Variants in HHIPL1 observed in about 807,000 individuals in gnomAD.
HHIPL1 encodes HHIP-like protein 1.
In HHIPL1, 43 loss-of-function variants were observed where a neutral mutation model predicts 61.8. The observed-to-expected ratio is 0.70, with a 90% confidence interval of 0.55 to 0.90. The LOEUF (loss-of-function observed/expected upper bound fraction) is 0.90, where lower values mean the gene tolerates loss of function less well. HHIPL1 is among the 40% of genes least tolerant of loss of function. The pLI is 0.00. For missense variants in HHIPL1, 1,056 were observed against 1,157.7 expected (o/e 0.91, Z 1.28); for synonymous variants, 482 against 515.8 (o/e 0.93, Z 0.89).
Position 99,675,491 on chromosome 14 carries a change from TCTG to T in HHIPL1, c.2218_2220del (p.Leu740del), listed in dbSNP as rs1449019211. The T allele has an allele frequency of 8.4e-6, 13 of 1,542,706 alleles. No homozygotes were observed. In the East Asian group the frequency reaches 3.2e-4, roughly 38 times the overall value. ...TCGGCCAGGGCGGCTCGCTGCCCATTCTGCTGGACGATGTGCGCTGCGCGGGCT... is the reference window on the plus strand; with the variant it reads ...TCGGCCAGGGCGGCTCGCTGCCCATTCTGGACGATGTGCGCTGCGCGGGCT... On this transcript the variant is annotated inframe_deletion, in exon 9 of 9. Transcript: ENST00000330710. This position sits in a 1 kb window ranked among gnomAD's most constrained non-coding sequence, Gnocchi z 5.4.
chr14:99,634,624 C>T, the HHIPL1 span, among the ~76,000 whole-genome samples: 10 of 152,276 alleles, frequency 6.6e-5, 1 homozygote, highest in East Asian at 1.9e-3. Context: ...TGTTTGAAAT[C>T]GGCATCTCCC....
chr14:99,632,256 T>C, the HHIPL1 span, among the ~76,000 whole-genome samples: 2 of 152,116 alleles, frequency 1.3e-5, no homozygotes, highest in East Asian at 3.9e-4. Flanking sequence ...TTAAACATTA[T>C]CCAGGCCCTA....
At chr14:99,674,889 C>T (rs1237596750) in intron 8 of HHIPL1, among the ~76,000 whole-genome samples, 1 of 152,180 alleles carries the variant, frequency 6.6e-6, no homozygotes. Flanking sequence ...AGGCCGGCAT[C>T]TTGCTGGGTC....
At chr14:99,628,006 G>A in the HHIPL1 span, among the ~76,000 whole-genome samples, 2 of 152,180 alleles carry the variant, frequency 1.3e-5, no homozygotes, top group Non-Finnish European at 2.9e-5. Flanking sequence ...GAAGATGCAT[G>A]ATCAGTTTGG....
the HHIPL1 span, among the ~76,000 whole-genome samples, chr14:99,614,844 C>T: frequency 6.6e-6 from 1 of 151,896 alleles, no homozygotes; most frequent in Non-Finnish European, 1.5e-5. Flanking sequence ...TTTTTTGTCC[C>T]GTATCTAATG....
the HHIPL1 span, among the ~76,000 whole-genome samples, chr14:99,606,278 T>C: frequency 1.3e-5 from 2 of 152,126 alleles, no homozygotes; most frequent in South Asian, 4.1e-4. Flanking sequence ...GCTCTGCTGG[T>C]CCAGCACAGC....
chr14:99,608,729 A>G, the HHIPL1 span, among the ~76,000 whole-genome samples: 1 of 152,224 alleles, frequency 6.6e-6, no homozygotes, highest in Non-Finnish European at 1.5e-5. Context: ...GGTACCCAGC[A>G]CTGTGCTAGA....
In HHIPL1 at chr14:99,675,409, T is replaced by G; in HGVS notation, c.2132T>G (p.Val711Gly). Residue 711 changes from valine (V) to glycine (G), a missense_variant, in exon 9 of 9, where the codon GTC becomes GGC. Coordinates refer to ENST00000330710, the MANE Select transcript of HHIPL1 (RefSeq NM_001127258.3). The surrounding 1 kb of genome is among the most constrained non-coding windows in gnomAD (Gnocchi z 5.4). ...DDSWNISGAA[V>G]VCRQLGFAYA... Reference sequence around the variant, plus strand: ...TCCTGGAACATCAGCGGCGCCGCCGTCGTGTGTCGCCAGCTGGGGTTTGCC... The same window carrying G: ...TCCTGGAACATCAGCGGCGCCGCCGGCGTGTGTCGCCAGCTGGGGTTTGCC... 6.5e-7 allele frequency: 1 copy of G among 1,529,796 alleles called. No individual in the cohort carries two copies. The highest frequency in any genetic ancestry group is 8.8e-7 in the Non-Finnish European group (1 of 1,141,824). 94.8% of individuals were successfully genotyped at this position (1,529,796 alleles called of 1,614,324 possible).
At chr14:99,612,116 C>T in the HHIPL1 span, among the ~76,000 whole-genome samples, 1 of 152,216 alleles carries the variant, frequency 6.6e-6, no homozygotes, top group Non-Finnish European at 1.5e-5. Context: ...TTGATTGACT[C>T]ACAGTTCCGC....
intron 6 of HHIPL1, among the ~76,000 whole-genome samples, chr14:99,664,255 C>T (rs572352728): frequency 6.6e-6 from 1 of 152,300 alleles, no homozygotes; most frequent in African/African-American, 2.4e-5. Context: ...GTGCCCAGAG[C>T]CCCCAGGGCT....
intron 1 of HHIPL1, among the ~76,000 whole-genome samples, chr14:99,650,245 G>A (rs532039863): frequency 3.3e-5 from 5 of 152,262 alleles, no homozygotes; most frequent in Non-Finnish European, 7.4e-5. Flanking sequence ...TCCCCCAAAC[G>A]TCCCAGAGGC....
chr14:99,625,011 C>A, the HHIPL1 span: 10 of 152,238 alleles, frequency 6.6e-5, no homozygotes, highest in Admixed American at 2.6e-4. Context: ...ACTGGCCCAA[C>A]GCTGTCATTA....
upstream of HHIPL1, among the ~76,000 whole-genome samples, chr14:99,641,771 G>A (rs747791305): frequency 4.6e-5 from 7 of 151,972 alleles, no homozygotes; most frequent in Non-Finnish European, 7.4e-5. Context: ...CTATAGGTAA[G>A]GTATTTTTCC....
chr14:99,659,854 C>CCCCG (rs2056119556), intron 4 of HHIPL1, 98 bp downstream of exon 4: 4 of 566,676 alleles, frequency 7.1e-6, no homozygotes, highest in Non-Finnish European at 1.1e-5. Context: ...GCACCCCCCC[C>CCCCG]CCCCCGGAGA....
intron 6 of HHIPL1, among the ~76,000 whole-genome samples, chr14:99,666,179 G>T (rs544535370): frequency 6.6e-6 from 1 of 152,348 alleles, no homozygotes; most frequent in African/African-American, 2.4e-5. Context: ...GGAAATGTGT[G>T]CTGGTTTCTA....
intron 1 of HHIPL1, among the ~76,000 whole-genome samples, chr14:99,649,017 C>T (rs555793572): frequency 2.0e-4 from 31 of 152,300 alleles, no homozygotes; most frequent in African/African-American, 5.8e-4. Context: ...CTTCCTGCCA[C>T]CTGCCCCTAA....
At chr14:99,610,794 G>C in the HHIPL1 span, among the ~76,000 whole-genome samples, 2 of 152,104 alleles carry the variant, frequency 1.3e-5, no homozygotes, top group Non-Finnish European at 2.9e-5. Context: ...GCATGCTTTT[G>C]AACTCTTTCA....
At chr14:99,629,792 C>T in the HHIPL1 span, among the ~76,000 whole-genome samples, 183 of 152,332 alleles carry the variant, frequency 1.2e-3, no homozygotes, top group Middle Eastern at 0.014. Flanking sequence ...CGTAAGCCAC[C>T]GCGCCCAGCC....
the HHIPL1 span, among the ~76,000 whole-genome samples, chr14:99,635,055 T>C: frequency 2.0e-5 from 3 of 152,086 alleles, no homozygotes; most frequent in Admixed American, 2.0e-4. Flanking sequence ...ATTGGCGGTC[T>C]TCAGTGGTGA....
Sources: allele counts gnomAD v4.1 joint callset (sites outside exome capture counted in the v4.1 genomes callset), GRCh38; gene constraint gnomAD v4.1.1; non-coding constraint Gnocchi (gnomAD v3.1); transcripts MANE v1.5; gene names NCBI Gene and HGNC (gene_info 2026-07-23, HGNC 2026-07-21).